The following NAV1 variants were observed in gnomAD, a reference collection of about 807,000 sequenced individuals.
NAV1 encodes neuron navigator 1.
NAV1 carries 18 observed loss-of-function variants against 175.2 expected under a neutral mutation model. The observed-to-expected ratio is 0.10, with a 90% confidence interval of 0.07 to 0.15. The LOEUF (loss-of-function observed/expected upper bound fraction) is 0.15, where lower values mean the gene tolerates loss of function less well. Ranked by LOEUF, NAV1 falls within the 10% of genes least tolerant of loss-of-function variation. The pLI, the probability that NAV1 is intolerant of heterozygous loss-of-function variation, is 1.00. For synonymous variants in NAV1, 897 were observed against 978.7 expected, an observed-to-expected ratio of 0.92 and a Z score of 1.56; for missense variants, 1,731 against 2,436.6, an observed-to-expected ratio of 0.71 and a Z score of 6.10.
Position 201,709,844 on chromosome 1 carries a change from G to A in NAV1, c.758-2973G>A, listed in dbSNP as rs557713843. On this transcript the variant is annotated intron_variant, in intron 1 of 29. Transcript: ENST00000367296. ...CCTGGAGTCAAGTGTTCTTCCATTCGCATCTCTGTGATCTCCAGCTAGTCC... is the reference window on the plus strand; with the variant it reads ...CCTGGAGTCAAGTGTTCTTCCATTCACATCTCTGTGATCTCCAGCTAGTCC... 2.6e-5 allele frequency among the ~76,000 whole-genome samples: 4 copies of A among 152,212 alleles called. No homozygotes were observed. The South Asian group carries it at 8.3e-4, about 32-fold the overall frequency.
At chr1:201,693,847 G>A (rs1671065602) in intron 1 of NAV1, among the ~76,000 whole-genome samples, 1 of 152,204 alleles carries the variant, frequency 6.6e-6, no homozygotes, top group Admixed American at 6.5e-5. Context: ...GGACTCAAAT[G>A]CCATCTGAGA....
chr1:201,793,724 C>T, intron 13 of NAV1, 68 bp from the exon 18 acceptor site: 1 of 1,361,840 alleles, frequency 7.3e-7, no homozygotes, highest in South Asian at 1.2e-5. Context: ...AAACTATTTC[C>T]CATTGTCAGT....
intron 1 of NAV1, among the ~76,000 whole-genome samples, chr1:201,624,097 G>T (rs893095104): frequency 2.0e-5 from 3 of 152,140 alleles, no homozygotes; most frequent in African/African-American, 7.2e-5. Flanking sequence ...CCTTGTACCT[G>T]TCTGTCTGTC....
intron 1 of NAV1, among the ~76,000 whole-genome samples, chr1:201,696,094 A>G (rs911543283): frequency 1.1e-4 from 16 of 151,996 alleles, no homozygotes; most frequent in Non-Finnish European, 2.4e-4. Flanking sequence ...TTCCAGATAC[A>G]TGGGGGCCAG....
At chr1:201,624,346 T>C (rs893154460) in intron 1 of NAV1, among the ~76,000 whole-genome samples, 1 of 142,518 alleles carries the variant, frequency 7.0e-6, no homozygotes, top group African/African-American at 2.6e-5. Flanking sequence ...CTTTTTTTTT[T>C]TTTTTTTTTT....
chr1:201,800,611 A>C (rs1413538797), intron 15 of NAV1, among the ~76,000 whole-genome samples: 1 of 152,184 alleles, frequency 6.6e-6, no homozygotes, highest in Non-Finnish European at 1.5e-5. Flanking sequence ...TACCACTGAG[A>C]TAAACTATAT....
intron 1 of NAV1, among the ~76,000 whole-genome samples, chr1:201,543,595 T>C (rs1665580866): frequency 1.3e-5 from 2 of 152,202 alleles, no homozygotes; most frequent in Admixed American, 1.3e-4. Flanking sequence ...TTAGGATGGG[T>C]TGATGTATTT....
chr1:201,598,548 A>G lies in NAV1; in HGVS notation c.-33+9899A>G, dbSNP rs191116510. ...CGGAACTGCCTGAGTTAGGGTGGTA[A>G]GACCAGAGAGCAAGGGCCAAGAAAA... On this transcript the variant is annotated intron_variant, in intron 2 of 33. Coordinates refer to the NAV1 transcript ENST00000685211. Among the ~76,000 whole-genome samples, 157 of 152,316 alleles carry G rather than the reference A, an allele frequency of 1.0e-3. 1 individual carries two copies. The highest frequency in any genetic ancestry group is 6.4e-3 in the South Asian group (31 of 4,826).
chr1:201,783,552 G>T (rs764627851), exon 7 of NAV1: 1 of 1,614,080 alleles, frequency 6.2e-7, no homozygotes, highest in Admixed American at 1.7e-5. Flanking sequence ...GCATCTGGGG[G>T]CCCTCTCCCT....
At chr1:201,556,632 G>A (rs1417279772) in intron 1 of NAV1, among the ~76,000 whole-genome samples, 2 of 152,160 alleles carry the variant, frequency 1.3e-5, no homozygotes, top group African/African-American at 4.8e-5. Flanking sequence ...TTCCAGGCAA[G>A]GGGAGAAAAA....
At chr1:201,665,452 C>T (rs116785382) in intron 1 of NAV1, among the ~76,000 whole-genome samples, 3,109 of 152,180 alleles carry the variant, frequency 0.02, 106 homozygotes, top group African/African-American at 0.063. Context: ...TGAGGCCTAT[C>T]CTCCATTTCT....
intron 1 of NAV1, among the ~76,000 whole-genome samples, chr1:201,676,216 C>T (rs1478903663): frequency 6.6e-6 from 1 of 152,136 alleles, no homozygotes; most frequent in East Asian, 1.9e-4. Context: ...CTGGAAGTGC[C>T]CTGGGGACTC....
intron 2 of NAV1, among the ~76,000 whole-genome samples, chr1:201,592,032 A>C (rs1021605965): frequency 3.9e-5 from 6 of 152,160 alleles, no homozygotes; most frequent in African/African-American, 1.4e-4. Context: ...CAGGCTAGAC[A>C]ATGCGAGGAC....
chr1:201,556,729 C>T (rs989987907), intron 1 of NAV1, among the ~76,000 whole-genome samples: 1 of 152,230 alleles, frequency 6.6e-6, no homozygotes, highest in Non-Finnish European at 1.5e-5. Flanking sequence ...AGCCCTGCCC[C>T]CTCCATAGAG....
intron 3 of NAV1, among the ~76,000 whole-genome samples, chr1:201,732,264 G>A (rs145369876): frequency 6.6e-5 from 10 of 152,228 alleles, no homozygotes; most frequent in African/African-American, 1.7e-4. Flanking sequence ...CAAGTGCCAC[G>A]ATGCTATTTT....
chr1:201,779,947 T>G lies in NAV1; in HGVS notation c.1227-474T>G, dbSNP rs1676209906. On this transcript the variant is annotated intron_variant, in intron 3 of 29. Transcript: ENST00000367296. ...TAAACGGAGGCTCAATGAGAAATGA[T>G]AAAAGTCTAAGAGGTTCTAGAAAAG... 4.6e-5 allele frequency among the ~76,000 whole-genome samples: 7 copies of G among 152,266 alleles called. No homozygotes were observed. The South Asian group carries it at 1.5e-3, about 32-fold the overall frequency.
In NAV1 at chr1:201,788,334, C is replaced by G; in HGVS notation, c.2996-134C>G. 1 of 886,456 alleles carries G rather than the reference C, an allele frequency of 1.1e-6. No individual in the cohort carries two copies. Among genetic ancestry groups the G allele is most frequent in the Non-Finnish European group, 1.8e-6 (1 of 561,474 alleles). 54.9% of individuals were successfully genotyped at this position (886,456 alleles called of 1,614,324 possible). On this transcript the variant is annotated intron_variant, in intron 9 of 29. Transcript: ENST00000367296. The surrounding 1 kb of genome is among the most constrained non-coding windows in gnomAD (Gnocchi z 5.7). ...CTCCCACCACCGCACCTGCCCCTTC[C>G]TCTCCTGCCCTCTCCCCATTTGCCT...
intron 3 of NAV1, among the ~76,000 whole-genome samples, chr1:201,765,584 G>A (rs183580883): frequency 2.6e-5 from 4 of 151,912 alleles, no homozygotes; most frequent in Non-Finnish European, 4.4e-5. Flanking sequence ...TAGTAGAGAC[G>A]GGGTTTCACC....
chr1:201,778,106 T>C (rs1202011070), intron 3 of NAV1, among the ~76,000 whole-genome samples: 3 of 152,174 alleles, frequency 2.0e-5, no homozygotes, highest in Non-Finnish European at 1.5e-5. Context: ...CCAACCTTCC[T>C]TGGTAATTCT....
Sources: gnomAD v4.1 joint callset for allele counts (sites outside exome capture counted in the v4.1 genomes callset) on GRCh38, gnomAD v4.1.1 for gene constraint, Gnocchi (gnomAD v3.1) non-coding constraint, MANE v1.5 for transcripts, NCBI Gene and HGNC (gene_info 2026-07-23, HGNC 2026-07-21) for gene names.